FCMR: variants seen among roughly 807,000 people sequenced by gnomAD.
The protein encoded by FCMR is immunoglobulin mu Fc receptor.
A neutral mutation model predicts 41.6 loss-of-function variants in FCMR; 34 were observed. The ratio of observed to expected loss-of-function variants is 0.82; its 90% CI spans 0.62 to 1.09. The LOEUF is 1.09. Ranked by LOEUF, FCMR falls within the 50% of genes least tolerant of loss-of-function variation. The pLI, the probability that FCMR is intolerant of heterozygous loss-of-function variation, is 0.00. For missense variants in FCMR, 496 were observed against 512.5 expected (o/e 0.97, Z 0.31); for synonymous variants, 209 against 211.8 (o/e 0.99, Z 0.12).
At chr1:206,905,547 G>A (rs1379041263) in intron 7 of FCMR, among the ~76,000 whole-genome samples, 1 of 152,200 alleles carries the variant, frequency 6.6e-6, no homozygotes, top group African/African-American at 2.4e-5. Context: ...TAAGGGCTCA[G>A]AGATGCTGTG....
chr1:206,910,429 G>A (rs1263681953), intron 4 of FCMR, 89 bp from the exon 5 acceptor site: 4 of 1,076,772 alleles, frequency 3.7e-6, no homozygotes, highest in South Asian at 4.6e-5. Context: ...AACGTTTTTG[G>A]AGATGACTTA....
At chr1:206,910,477 C>T (rs1678890424) in intron 4 of FCMR, 137 bp from the exon 5 acceptor site, 4 of 595,946 alleles carry the variant, frequency 6.7e-6, no homozygotes, top group Non-Finnish European at 1.0e-5. Context: ...CACTCCACTC[C>T]CCCCTCAAAA....
intron 4 of FCMR, 125 bp downstream of exon 4, chr1:206,911,605 G>T: frequency 2.4e-6 from 2 of 826,700 alleles, no homozygotes; most frequent in Non-Finnish European, 4.0e-6. Flanking sequence ...ATACTCATAG[G>T]TGGTATATTT....
chr1:206,911,257 T>G (rs1176706668), intron 4 of FCMR, among the ~76,000 whole-genome samples: 1 of 151,510 alleles, frequency 6.6e-6, no homozygotes, highest in Non-Finnish European at 1.5e-5. Flanking sequence ...TTTTGGAGTC[T>G]GCTATAATGC....
chr1:206,904,970 C>CCACAGGTGCCAGCAGG lies in FCMR; in HGVS notation c.*48_*49insCCTGCTGGCACCTGTG. 6.2e-7 allele frequency: 1 copy of CCACAGGTGCCAGCAGG among 1,606,242 alleles called. No individual in the cohort carries two copies. Among genetic ancestry groups the CCACAGGTGCCAGCAGG allele is most frequent in the Non-Finnish European group, 8.5e-7 (1 of 1,174,466 alleles). ...TGGACATCAGCAGATAGATGAGACT[C>CCACAGGTGCCAGCAGG]CTTGGCACCACAGTCCGAGCCTGGG... On this transcript the variant is annotated 3_prime_UTR_variant, in exon 8 of 8. Transcript: ENST00000367091.
At chr1:206,907,587 AGGG>A (rs1441086845) in intron 7 of FCMR, 4 of 663,794 alleles carry the variant, frequency 6.0e-6, no homozygotes, top group Non-Finnish European at 1.1e-5. Context: ...GAATTAAACA[AGGG>A]ATTTTCTTTT....
chr1:206,916,882 C>T (rs1679217609), intron 1 of FCMR, among the ~76,000 whole-genome samples: 1 of 152,140 alleles, frequency 6.6e-6, no homozygotes, highest in Non-Finnish European at 1.5e-5. Flanking sequence ...AAACAGGTGT[C>T]CCAGGTGCTC....
rs1214904609 is a variant in FCMR at position 206,911,963 on chromosome 1, T to A, written c.488-11A>T. 1 of 1,602,692 alleles carries A rather than the reference T, an allele frequency of 6.2e-7. No individual in the cohort carries two copies. Among genetic ancestry groups the A allele is most frequent in the Non-Finnish European group, 8.5e-7 (1 of 1,174,080 alleles). On this transcript the variant is annotated splice_polypyrimidine_tract_variant and intron_variant, in intron 3 of 7. Transcript: ENST00000367091. ...GAGCTGGTGTGGTAACTGCAGGAGG[T>A]AGCAGGAAAAAGGGATGTTCCTTTT... is the stretch of plus-strand genomic sequence containing the variant.
intron 1 of FCMR, among the ~76,000 whole-genome samples, chr1:206,918,270 C>G (rs1301643430): frequency 6.6e-6 from 1 of 152,146 alleles, no homozygotes; most frequent in Non-Finnish European, 1.5e-5. Flanking sequence ...TCCCTGTCAG[C>G]CTGCATTCTT....
chr1:206,913,120 C>A, intron 2 of FCMR, 78 bp from the exon 3 acceptor site: 1 of 1,111,478 alleles, frequency 9.0e-7, no homozygotes, highest in Non-Finnish European at 1.4e-6. Context: ...GCTAATTCAG[C>A]CAAAGTGGAT....
chr1:206,904,678 GC>G lies in FCMR; in HGVS notation c.*340del. 3.3e-6 allele frequency: 1 copy of G among 302,104 alleles called. No homozygotes were observed. The highest frequency in any genetic ancestry group is 6.5e-6 in the Non-Finnish European group (1 of 154,182). 18.7% of individuals were successfully genotyped at this position (302,104 alleles called of 1,614,324 possible). The stretch of plus-strand genomic sequence containing the variant: ...CCAGCCTGATGCCATGTGATCTAGA[GC>G]CTGGGCAGCAACAACCCTGTGGTCA... On this transcript the variant is annotated 3_prime_UTR_variant, in exon 8 of 8. Coordinates refer to ENST00000367091, the MANE Select transcript of FCMR (RefSeq NM_005449.5).
chr1:206,904,860 T>C lies in FCMR; in HGVS notation c.*159A>G, dbSNP rs917250784. 6.3e-6 allele frequency: 5 copies of C among 798,758 alleles called. No homozygotes were observed. The highest frequency in any genetic ancestry group is 1.0e-5 in the Non-Finnish European group (5 of 481,384). 49.5% of individuals were successfully genotyped at this position (798,758 alleles called of 1,614,324 possible). A position where few individuals can be genotyped will look rare whatever the true frequency, so the allele number is the denominator to read the frequency against. ...GCAAGACGACCTGGGGGCAGAGCCA[T>C]GCTCAGGGCACAGATAGATGGGGAT... On this transcript the variant is annotated 3_prime_UTR_variant, in exon 8 of 8. Coordinates refer to ENST00000367091, the MANE Select transcript of FCMR (RefSeq NM_005449.5).
intron 1 of FCMR, among the ~76,000 whole-genome samples, chr1:206,918,916 A>G (rs2102577833): frequency 6.6e-6 from 1 of 152,224 alleles, no homozygotes; most frequent in East Asian, 1.9e-4. Flanking sequence ...AGTACAAATT[A>G]AAGCCCAAAT....
chr1:206,920,454 C>CAG (rs1553238489), intron 1 of FCMR, among the ~76,000 whole-genome samples: 2 of 111,172 alleles, frequency 1.8e-5, no homozygotes, highest in Admixed American at 9.3e-5. Flanking sequence ...GACTCTGTCT[C>CAG]AAAAAAAAAA....
In FCMR at chr1:206,907,915, G is replaced by A. The variant is rs969819005; in HGVS notation, c.1044+1547C>T. ...GACCAAGTGAGGCCAGGCCGCCCTG[G>A]ACCACCTCAAGGTGTTTGACGGCAT... is the stretch of plus-strand genomic sequence containing the variant. On this transcript the variant is annotated intron_variant, in intron 7 of 7. Coordinates refer to ENST00000367091, the MANE Select transcript of FCMR (RefSeq NM_005449.5). 4.8e-6 allele frequency: 6 copies of A among 1,258,100 alleles called. No homozygotes were observed. In the African/African-American group the frequency reaches 7.4e-5, roughly 15 times the overall value. The allele number at this position is 1,258,100 out of a possible 1,614,324, so 77.9% of individuals were successfully genotyped here.
At chr1:206,920,221 G>A (rs1297892073) in intron 1 of FCMR, among the ~76,000 whole-genome samples, 1 of 152,070 alleles carries the variant, frequency 6.6e-6, no homozygotes, top group Non-Finnish European at 1.5e-5. Flanking sequence ...TTGGGAGGCC[G>A]AGGCGGGTGG....
intron 7 of FCMR, among the ~76,000 whole-genome samples, chr1:206,907,053 G>T (rs982657795): frequency 7.2e-6 from 1 of 139,212 alleles, no homozygotes; most frequent in Non-Finnish European, 1.6e-5. Flanking sequence ...TCTCTAGCGG[G>T]GGTGGGGAAG....
rs1678851192 is a variant in FCMR, at chr1:206,909,916, C to T, written c.842-48G>A. The T allele has an allele frequency of 1.5e-6, 2 of 1,368,802 alleles. No individual in the cohort carries two copies. Among genetic ancestry groups the T allele is most frequent in the Non-Finnish European group, 1.9e-6 (2 of 1,062,644 alleles). 84.8% of individuals were successfully genotyped at this position (1,368,802 alleles called of 1,614,324 possible). A position where few individuals can be genotyped will look rare whatever the true frequency, so the allele number is the denominator to read the frequency against. ...GAGGGAGGAAAATGGCATCAGAGGC[C>T]CGTGCCACCCTCCCCAAACGAAAGG... On this transcript the variant is annotated intron_variant, in intron 5 of 7. Transcript: ENST00000367091. This position sits in a 1 kb window ranked among gnomAD's most constrained non-coding sequence, Gnocchi z 5.0.
At chr1:206,918,987 G>A (rs140040736) in intron 1 of FCMR, among the ~76,000 whole-genome samples, 5 of 152,030 alleles carry the variant, frequency 3.3e-5, no homozygotes, top group East Asian at 1.9e-4. Context: ...AATAAAATTC[G>A]CTTTACTTCC....
Sources: gnomAD v4.1 joint callset for allele counts (sites outside exome capture counted in the v4.1 genomes callset) on GRCh38, gnomAD v4.1.1 for gene constraint, Gnocchi (gnomAD v3.1) non-coding constraint, MANE v1.5 for transcripts, NCBI Gene and HGNC (gene_info 2026-07-23, HGNC 2026-07-21) for gene names.